The following GPR26 variants were observed in gnomAD, a reference collection of about 807,000 sequenced individuals.
GPR26 encodes G protein-coupled receptor 26.
In GPR26, 15 loss-of-function variants were observed where a neutral mutation model predicts 23.1. The observed-to-expected ratio is 0.65, with a 90% confidence interval of 0.43 to 1.00. The LOEUF (loss-of-function observed/expected upper bound fraction) is 1.00, where lower values mean the gene tolerates loss of function less well. Among genes scored for constraint, GPR26 ranks in the 50% least tolerant of loss-of-function variants. The pLI, the probability that GPR26 is intolerant of heterozygous loss-of-function variation, is 0.00. For missense variants in GPR26, 359 were observed against 470.5 expected, an observed-to-expected ratio of 0.76 and a Z score of 2.19; for synonymous variants, 228 against 222.1, an observed-to-expected ratio of 1.03 and a Z score of -0.24.
In GPR26 at chr10:123,675,833, C is replaced by CGTGTGTGTGTGT. The variant is rs56201657; in HGVS notation, c.782+913_782+924dup. ...GTGTGTGTGTACGTGTGTGTGTGTA[C>CGTGTGTGTGTGT]GTGTGTGTGTGTGTGTGTGTGTAAG... On this transcript the variant is annotated intron_variant, in intron 2 of 2. Coordinates refer to ENST00000284674, the MANE Select transcript of GPR26 (RefSeq NM_153442.4). Among the ~76,000 whole-genome samples the CGTGTGTGTGTGT allele has an allele frequency of 8.4e-3, 1,131 of 134,156 alleles. 36 individuals carry two copies. Among genetic ancestry groups the CGTGTGTGTGTGT allele is most frequent in the Admixed American group, 0.019 (254 of 13,302 alleles). 88.0% of individuals were successfully genotyped at this position (134,156 alleles called of 152,430 possible). A position where few individuals can be genotyped will look rare whatever the true frequency, so the allele number is the denominator to read the frequency against.
rs1006877666 is a variant in GPR26 at position 123,688,622 on chromosome 10, C to T, written c.*462C>T. On this transcript the variant is annotated 3_prime_UTR_variant, in exon 3 of 3. Coordinates refer to ENST00000284674, the MANE Select transcript of GPR26 (RefSeq NM_153442.4). ...CTGGCAGTGGTCATTTGGCCCGGAT[C>T]TAACATGGCACCTCGTCTCCACAGG... The T allele has an allele frequency of 1.2e-4, 21 of 182,352 alleles. No homozygotes were observed. The highest frequency in any genetic ancestry group is 4.0e-4 in the African/African-American group (17 of 42,530). The allele number at this position is 182,352 out of a possible 1,614,324, so 11.3% of individuals were successfully genotyped here.
rs1395494792 is a variant in GPR26, at chr10:123,682,329, CAGAA to C, written c.783-5596_783-5593del. Among the ~76,000 whole-genome samples the C allele has an allele frequency of 5.3e-5, 8 of 152,186 alleles. No homozygotes were observed. In the East Asian group the frequency reaches 1.5e-3, roughly 29 times the overall value. ...CCACTGGCAGATGCAGTTGGCATCT[CAGAA>C]AGACAGGACATCCAACTCTACCAGC... On this transcript the variant is annotated intron_variant, in intron 2 of 2. Transcript: ENST00000284674.
chr10:123,674,358 A>T lies in GPR26; in HGVS notation c.669-460A>T, dbSNP rs1281945434. On this transcript the variant is annotated intron_variant, in intron 1 of 2. Transcript: ENST00000284674. The surrounding 1 kb of genome is among the most constrained non-coding windows in gnomAD (Gnocchi z 4.1). Reference sequence around the variant, plus strand: ...ACTGTGGTAAAGAGAAGAATCTGAGATACTACTTAGAGAGTGGGGCACTCT... The same window carrying T: ...ACTGTGGTAAAGAGAAGAATCTGAGTTACTACTTAGAGAGTGGGGCACTCT... 6.6e-6 allele frequency among the ~76,000 whole-genome samples: 1 copy of T among 152,334 alleles called. No homozygotes were observed. The highest frequency in any genetic ancestry group is 1.5e-5 in the Non-Finnish European group (1 of 68,032).
chr10:123,682,533 G>T (rs970887445), intron 2 of GPR26, among the ~76,000 whole-genome samples: 1 of 152,338 alleles, frequency 6.6e-6, no homozygotes, highest in African/African-American at 2.4e-5. Context: ...TCTTTGAGCA[G>T]CAGGGCCTGC....
In GPR26 at chr10:123,696,062, G is replaced by A. The variant is rs1234478631; in HGVS notation, c.*7902G>A. 1.3e-5 allele frequency among the ~76,000 whole-genome samples: 2 copies of A among 152,228 alleles called. No individual in the cohort carries two copies. Among genetic ancestry groups the A allele is most frequent in the Admixed American group, 6.5e-5 (1 of 15,282 alleles). On this transcript the variant is annotated 3_prime_UTR_variant, in exon 3 of 3. Coordinates refer to ENST00000284674, the MANE Select transcript of GPR26 (RefSeq NM_153442.4). ...TTTTCACAGGCTCATCTGGGAGAAG[G>A]ATCAAATCCTGCCATCTGGATGTGC...
At chr10:123,667,858 G>A (rs1348284489) in intron 1 of GPR26, among the ~76,000 whole-genome samples, 1 of 152,170 alleles carries the variant, frequency 6.6e-6, no homozygotes, top group African/African-American at 2.4e-5. Context: ...CCCTGCCATC[G>A]CAGGAGCCTG....
chr10:123,691,494 G>A lies in GPR26; in HGVS notation c.*3334G>A, dbSNP rs772854702. ...CAGTTGTCACCCTTTTACATGCTTG[G>A]GTGCAGGTAGATGAGGCCTTCCCAT... On this transcript the variant is annotated 3_prime_UTR_variant, in exon 3 of 3. Coordinates refer to ENST00000284674, the MANE Select transcript of GPR26 (RefSeq NM_153442.4). The A allele has an allele frequency of 3.3e-5, 5 of 152,108 alleles. No homozygotes were observed. Among genetic ancestry groups the A allele is most frequent in the Non-Finnish European group, 7.4e-5 (5 of 68,016 alleles). The allele number at this position is 152,108 out of a possible 1,614,324, so 9.4% of individuals were successfully genotyped here. A position where few individuals can be genotyped will look rare whatever the true frequency, so the allele number is the denominator to read the frequency against.
At position 123,688,168 on chromosome 10, in the gene GPR26, C is replaced by A; in HGVS notation, c.*8C>A. ...CTGCCGGTGTCTGAGTGAAGGACCG[C>A]GCTCCTGCTGAAGAGTTTAGAATGA... On this transcript the variant is annotated 3_prime_UTR_variant, in exon 3 of 3. Transcript: ENST00000284674. The A allele has an allele frequency of 2.0e-6, 3 of 1,535,244 alleles. No homozygotes were observed. Among genetic ancestry groups the A allele is most frequent in the South Asian group, 1.1e-5 (1 of 89,668 alleles).
At position 123,677,183 on chromosome 10, in the gene GPR26, TA is replaced by T. The variant is rs377216166; in HGVS notation, c.782+2262del. Among the ~76,000 whole-genome samples the T allele has an allele frequency of 1.6e-3, 245 of 151,014 alleles. No homozygotes were observed. The Middle Eastern group carries it at 0.017, about 11-fold the overall frequency. On this transcript the variant is annotated intron_variant, in intron 2 of 2. Transcript: ENST00000284674. ...TCATTTCCCAACAACATTTTCCTTTTAAAAAAAAAATTACAGCTAGGTTCTC... is the reference window on the plus strand; with the variant it reads ...TCATTTCCCAACAACATTTTCCTTTTAAAAAAAAATTACAGCTAGGTTCTC...
chr10:123,686,162 T>A (rs1275219994), intron 2 of GPR26, among the ~76,000 whole-genome samples: 1 of 152,226 alleles, frequency 6.6e-6, no homozygotes, highest in African/African-American at 2.4e-5. Flanking sequence ...TTTCAATAAA[T>A]CCTTTTGGGA....
rs753738804 is a variant in GPR26, at chr10:123,666,489, C to T, written c.82C>T (p.Leu28Phe). The T allele has an allele frequency of 2.0e-5, 32 of 1,566,712 alleles. No homozygotes were observed. The highest frequency in any genetic ancestry group is 2.5e-5 in the Non-Finnish European group (29 of 1,161,400). Reference protein sequence around the residue: ...VSLLSNALVLLCLLHSADIRR... With the variant: ...VSLLSNALVLFCLLHSADIRR... ...GCTGCTGTCCAACGCGCTGGTGCTG[C>T]TCTGCCTGCTGCACAGCGCGGACAT... Residue 28 changes from leucine (L) to phenylalanine (F), a missense_variant, in exon 1 of 3, where the codon CTC (leucine) becomes TTC (phenylalanine). Coordinates refer to ENST00000284674, the MANE Select transcript of GPR26 (RefSeq NM_153442.4).
intron 1 of GPR26, among the ~76,000 whole-genome samples, chr10:123,669,576 G>A (rs569961115): frequency 1.5e-4 from 23 of 152,344 alleles, no homozygotes; most frequent in African/African-American, 5.3e-4. Context: ...ACAGCAGCCG[G>A]AGTCTTTGCT....
Position 123,682,295 on chromosome 10 carries a change from T to TTGACATCTGCAGTTGC in GPR26, c.783-5634_783-5633insTGACATCTGCAGTTGC, listed in dbSNP as rs1564732476. Among the ~76,000 whole-genome samples the TTGACATCTGCAGTTGC allele has an allele frequency of 2.0e-5, 3 of 152,182 alleles. No homozygotes were observed. The East Asian group carries it at 5.8e-4, about 29-fold the overall frequency. On this transcript the variant is annotated intron_variant, in intron 2 of 2. Coordinates refer to ENST00000284674, the MANE Select transcript of GPR26 (RefSeq NM_153442.4). The stretch of plus-strand genomic sequence containing the variant: ...GTTCCCAAGAGACCATCAGCACTGG[T>TTGACATCTGCAGTTGC]AGCCAGAGCCACTGGCAGATGCAGT...
rs1315145185 is a variant in GPR26 at position 123,692,998 on chromosome 10, A to G, written c.*4838A>G. On this transcript the variant is annotated 3_prime_UTR_variant, in exon 3 of 3. Transcript: ENST00000284674. The stretch of plus-strand genomic sequence containing the variant: ...GGGACAAAACTGATCTCTCCATGAA[A>G]TCCCCTGCACCTCACTCTGGGCAGC... The G allele has an allele frequency of 1.3e-5, 2 of 152,190 alleles. No individual in the cohort carries two copies. The highest frequency in any genetic ancestry group is 3.9e-4 in the East Asian group (2 of 5,188). 9.4% of individuals were successfully genotyped at this position (152,190 alleles called of 1,614,324 possible). A position where few individuals can be genotyped will look rare whatever the true frequency, so the allele number is the denominator to read the frequency against.
At chr10:123,672,269 C>A (rs889612881) in intron 1 of GPR26, among the ~76,000 whole-genome samples, 1 of 152,160 alleles carries the variant, frequency 6.6e-6, no homozygotes, top group Non-Finnish European at 1.5e-5. Flanking sequence ...GCCTCAGTTT[C>A]CCCCATCTGT....
intron 2 of GPR26, among the ~76,000 whole-genome samples, chr10:123,683,092 ATGG>A (rs1373985619): frequency 9.2e-6 from 1 of 109,008 alleles, no homozygotes; most frequent in African/African-American, 3.4e-5. Flanking sequence ...AGGAGAGATG[ATGG>A]TGGTATAGAA....
Position 123,674,585 on chromosome 10 carries a change from A to T in GPR26, c.669-233A>T, listed in dbSNP as rs1213226520. Among the ~76,000 whole-genome samples, 2 of 152,234 alleles carry T rather than the reference A, an allele frequency of 1.3e-5. No individual in the cohort carries two copies. The highest frequency in any genetic ancestry group is 2.9e-5 in the Non-Finnish European group (2 of 68,046). On this transcript the variant is annotated intron_variant, in intron 1 of 2. Coordinates refer to ENST00000284674, the MANE Select transcript of GPR26 (RefSeq NM_153442.4). This position sits in a 1 kb window ranked among gnomAD's most constrained non-coding sequence, Gnocchi z 4.1. ...AGCATTTTATTACATTATGTGTAAT[A>T]CACTAAAATATATGATGCATATTAT...
At chr10:123,669,611 C>T (rs1447112990) in intron 1 of GPR26, among the ~76,000 whole-genome samples, 1 of 152,244 alleles carries the variant, frequency 6.6e-6, no homozygotes, top group Non-Finnish European at 1.5e-5. Context: ...TCAGCCTCCA[C>T]ACTGATGGCC....
chr10:123,670,981 G>T (rs1226611789), intron 1 of GPR26, among the ~76,000 whole-genome samples: 13 of 152,170 alleles, frequency 8.5e-5, no homozygotes, highest in Admixed American at 8.5e-4. Flanking sequence ...CCAGGGCAGG[G>T]GTCCCTCTTG....
Sources: gnomAD v4.1 joint callset for allele counts (sites outside exome capture counted in the v4.1 genomes callset) on GRCh38, gnomAD v4.1.1 for gene constraint, Gnocchi (gnomAD v3.1) non-coding constraint, MANE v1.5 for transcripts, NCBI Gene and HGNC (gene_info 2026-07-23, HGNC 2026-07-21) for gene names.